Variants in ST7 observed in about 807,000 individuals in gnomAD.
The protein encoded by ST7 is suppressor of tumorigenicity 7 protein.
In ST7, 28 loss-of-function variants were observed where a neutral mutation model predicts 78.7. The observed-to-expected ratio is 0.36, with a 90% CI of 0.26 to 0.49. ST7 has a LOEUF of 0.49. Among genes scored for constraint, ST7 ranks in the 20% least tolerant of loss-of-function variants. The pLI, the probability that ST7 is intolerant of heterozygous loss-of-function variation, is 0.99. For synonymous variants in ST7, 247 were observed against 249.6 expected, an observed-to-expected ratio of 0.99 and a Z score of 0.10; for missense variants, 418 against 696.0, an observed-to-expected ratio of 0.60 and a Z score of 4.49.
At chr7:117,106,123 C>T (rs574203404) in intron 2 of ST7, among the ~76,000 whole-genome samples, 2 of 152,120 alleles carry the variant, frequency 1.3e-5, no homozygotes, top group African/African-American at 4.8e-5. Flanking sequence ...CTCAGCCTCC[C>T]GAGTAGCTGG....
intron 1 of ST7, among the ~76,000 whole-genome samples, chr7:116,984,976 A>G (rs1193747466): frequency 6.6e-6 from 1 of 152,236 alleles, no homozygotes; most frequent in African/African-American, 2.4e-5. Context: ...CTGTACCATC[A>G]ATGGTAACTG....
chr7:117,197,614 C>T (rs1810440369), intron 12 of ST7, among the ~76,000 whole-genome samples: 1 of 152,156 alleles, frequency 6.6e-6, no homozygotes, highest in African/African-American at 2.4e-5. Flanking sequence ...AGAAGGGGAG[C>T]AATAAATATT....
rs952491075 is a variant in ST7, at chr7:117,219,696, C to T, written c.1498+520C>T. On this transcript the variant is annotated intron_variant, in intron 14 of 15. Coordinates refer to ENST00000323984, the MANE Select transcript of ST7 (RefSeq NM_001369598.1). The surrounding 1 kb of genome is among the most constrained non-coding windows in gnomAD (Gnocchi z 5.1). ...CTGTGCTCTGGCAAGAGGGATTTCC[C>T]GTGAGCACCTCGTGGGTTGCATGTA... 2.6e-5 allele frequency among the ~76,000 whole-genome samples: 4 copies of T among 152,178 alleles called. No homozygotes were observed. The highest frequency in any genetic ancestry group is 7.2e-5 in the African/African-American group (3 of 41,442).
intron 10 of ST7, among the ~76,000 whole-genome samples, chr7:117,185,476 G>GA: frequency 6.6e-6 from 1 of 152,348 alleles, no homozygotes; most frequent in South Asian, 2.1e-4. Context: ...TCGCCATGCA[G>GA]AAATAAACAC....
chr7:117,209,630 A>G (rs949695922), intron 12 of ST7, among the ~76,000 whole-genome samples, 157 bp from the exon 13 acceptor site: 1 of 152,220 alleles, frequency 6.6e-6, no homozygotes, highest in Non-Finnish European at 1.5e-5. Context: ...GTATTGCTGG[A>G]TGTTTTAGTA....
At chr7:117,002,421 G>A (rs991698424) in intron 1 of ST7, among the ~76,000 whole-genome samples, 4 of 151,694 alleles carry the variant, frequency 2.6e-5, no homozygotes, top group Admixed American at 6.6e-5. Flanking sequence ...AAACACTAAC[G>A]TTTGTCTAAG....
At chr7:117,172,395 C>T (rs758802807) in intron 10 of ST7, among the ~76,000 whole-genome samples, 4 of 152,136 alleles carry the variant, frequency 2.6e-5, no homozygotes, top group Non-Finnish European at 4.4e-5. Flanking sequence ...TATATGGAAA[C>T]GAAAAGCCTT....
chr7:117,060,189 A>T (rs1798277940), intron 1 of ST7, among the ~76,000 whole-genome samples: 1 of 152,138 alleles, frequency 6.6e-6, no homozygotes, highest in Non-Finnish European at 1.5e-5. Flanking sequence ...TACCTGAGGC[A>T]CACAGACCTT....
At chr7:116,966,394 GC>G (rs1230322614) in intron 1 of ST7, among the ~76,000 whole-genome samples, 1 of 151,742 alleles carries the variant, frequency 6.6e-6, no homozygotes, top group Non-Finnish European at 1.5e-5. Context: ...GGGATTACAG[GC>G]ACCTGCCACC....
chr7:117,148,970 C>G (rs1454428626), intron 9 of ST7, among the ~76,000 whole-genome samples: 1 of 152,110 alleles, frequency 6.6e-6, no homozygotes, highest in Admixed American at 6.6e-5. Flanking sequence ...GGAACAGAAA[C>G]CAGAAAACAG....
chr7:117,104,794 C>T (rs947808358), intron 2 of ST7, among the ~76,000 whole-genome samples: 2 of 152,130 alleles, frequency 1.3e-5, no homozygotes, highest in Non-Finnish European at 2.9e-5. Context: ...TCCCCTTCAT[C>T]CTTGAAAGGT....
intron 1 of ST7, among the ~76,000 whole-genome samples, chr7:116,960,064 C>T (rs1326038380): frequency 6.6e-6 from 1 of 152,198 alleles, no homozygotes; most frequent in Non-Finnish European, 1.5e-5. Flanking sequence ...AAAATACAAT[C>T]TAAGTGTATT....
chr7:117,187,954 T>A (rs1809419570), intron 10 of ST7, among the ~76,000 whole-genome samples: 1 of 152,122 alleles, frequency 6.6e-6, no homozygotes, highest in Admixed American at 6.5e-5. Flanking sequence ...TGTCTGGCAT[T>A]TTTTTCTTCT....
intron 1 of ST7, among the ~76,000 whole-genome samples, chr7:117,035,141 T>A (rs969342867): frequency 6.6e-5 from 6 of 90,522 alleles, no homozygotes; most frequent in East Asian, 3.2e-4. Flanking sequence ...TTTTTTTTTT[T>A]AAAGATATAA....
At chr7:117,004,687 CATAAA>C (rs753646067) in intron 1 of ST7, among the ~76,000 whole-genome samples, 1 of 152,096 alleles carries the variant, frequency 6.6e-6, no homozygotes, top group South Asian at 2.1e-4. Flanking sequence ...TACATACATA[CATAAA>C]ATAAAAATAA....
intron 6 of ST7, among the ~76,000 whole-genome samples, chr7:117,133,248 T>C (rs1804511047): frequency 6.6e-6 from 1 of 151,960 alleles, no homozygotes; most frequent in South Asian, 2.1e-4. Flanking sequence ...TATCATCTCA[T>C]CTTCTAGCAC....
At chr7:117,228,992 T>A (rs1300800933) in intron 15 of ST7, among the ~76,000 whole-genome samples, 1 of 152,224 alleles carries the variant, frequency 6.6e-6, no homozygotes, top group Non-Finnish European at 1.5e-5. Context: ...GGAATGAAAC[T>A]GATTCTTCAC....
Position 116,979,103 on chromosome 7 carries a change from CAT to C in ST7, c.151+25414_151+25415del, listed in dbSNP as rs572617004. 5.9e-5 allele frequency among the ~76,000 whole-genome samples: 9 copies of C among 152,286 alleles called. No homozygotes were observed. In the South Asian group the frequency reaches 1.9e-3, roughly 32 times the overall value. ...AAGGCTGTGGCCTTCAGTGGAGAGACATAGCCAATCTGTGCATTGGGAGCCTG... is the reference window on the plus strand; with the variant it reads ...AAGGCTGTGGCCTTCAGTGGAGAGACAGCCAATCTGTGCATTGGGAGCCTG... On this transcript the variant is annotated intron_variant, in intron 1 of 15. Transcript: ENST00000323984.
intron 10 of ST7, among the ~76,000 whole-genome samples, chr7:117,171,400 A>T (rs115676610): frequency 0.015 from 2,223 of 152,220 alleles, 60 homozygotes; most frequent in African/African-American, 0.049. Flanking sequence ...CTTTGGAGCA[A>T]TGTAGAACAG....
Sources: allele counts gnomAD v4.1 joint callset (sites outside exome capture counted in the v4.1 genomes callset), GRCh38; gene constraint gnomAD v4.1.1; non-coding constraint Gnocchi (gnomAD v3.1); transcripts MANE v1.5; gene names NCBI Gene and HGNC (gene_info 2026-07-23, HGNC 2026-07-21).